The following TMEM131 variants were observed in gnomAD, a reference collection of about 807,000 sequenced individuals.
TMEM131 encodes transmembrane protein 131.
TMEM131 carries 66 observed loss-of-function variants against 211.6 expected under a neutral mutation model. The ratio of observed to expected loss-of-function variants is 0.31; its 90% CI spans 0.26 to 0.38. The LOEUF (loss-of-function observed/expected upper bound fraction) is 0.38. Among genes scored for constraint, TMEM131 ranks in the 10% least tolerant of loss-of-function variants. TMEM131 has a pLI of 1.00. For missense variants in TMEM131, 2,036 were observed against 2,299.3 expected (o/e 0.89, Z 2.34); for synonymous variants, 844 against 841.3 (o/e 1.00, Z -0.06).
intron 2 of TMEM131, among the ~76,000 whole-genome samples, chr2:97,920,620 G>A (rs1676700667): frequency 6.6e-6 from 1 of 152,054 alleles, no homozygotes; most frequent in Non-Finnish European, 1.5e-5. Flanking sequence ...TATATTAAAA[G>A]CAACCACATT....
chr2:97,826,099 C>T (rs756512259), intron 11 of TMEM131, among the ~76,000 whole-genome samples: 16 of 152,186 alleles, frequency 1.1e-4, no homozygotes, highest in African/African-American at 1.9e-4. Context: ...TCTTAGAAGT[C>T]CCCTTAGCTA....
intron 2 of TMEM131, among the ~76,000 whole-genome samples, chr2:97,924,583 A>G (rs1676900630): frequency 6.6e-6 from 1 of 152,174 alleles, no homozygotes; most frequent in South Asian, 2.1e-4. Context: ...CACCTGTACA[A>G]TGGGACCCTT....
At chr2:97,978,737 T>G (rs147512163) in intron 1 of TMEM131, among the ~76,000 whole-genome samples, 157 of 152,322 alleles carry the variant, frequency 1.0e-3, no homozygotes, top group African/African-American at 3.5e-3. Context: ...ACTGACATCT[T>G]GAACTCCTCA....
chr2:97,984,600 A>C (rs1679943940), intron 1 of TMEM131, among the ~76,000 whole-genome samples: 1 of 152,036 alleles, frequency 6.6e-6, no homozygotes, highest in Non-Finnish European at 1.5e-5. Context: ...GCTCATTTTA[A>C]TACCAGGTCT....
intron 15 of TMEM131, among the ~76,000 whole-genome samples, chr2:97,813,044 TA>T (rs1681630091): frequency 6.6e-6 from 1 of 152,090 alleles, no homozygotes; most frequent in Non-Finnish European, 1.5e-5. Flanking sequence ...TATATATGCA[TA>T]AAACCACACA....
intron 33 of TMEM131, among the ~76,000 whole-genome samples, chr2:97,768,226 A>G (rs1400628675): frequency 6.6e-6 from 1 of 152,194 alleles, no homozygotes; most frequent in African/African-American, 2.4e-5. Flanking sequence ...TGAAAAATCC[A>G]CTGTTTATGG....
At chr2:97,971,458 C>G (rs1468500227) in intron 1 of TMEM131, among the ~76,000 whole-genome samples, 1 of 152,176 alleles carries the variant, frequency 6.6e-6, no homozygotes. Flanking sequence ...ACATTTGTGG[C>G]TATCAATCAA....
chr2:97,834,981 C>G, intron 8 of TMEM131, 56 bp from the exon 9 acceptor site: 1 of 1,585,226 alleles, frequency 6.3e-7, no homozygotes, highest in Non-Finnish European at 8.6e-7. Flanking sequence ...GCAAAACCAC[C>G]ATTTTTTATT....
At chr2:97,860,517 C>T (rs1032250630) in intron 4 of TMEM131, among the ~76,000 whole-genome samples, 3 of 152,192 alleles carry the variant, frequency 2.0e-5, no homozygotes, top group East Asian at 1.9e-4. Context: ...CAGTTGAAAA[C>T]GCAGAGCCAG....
At chr2:97,943,305 T>G (rs1452691268) in intron 1 of TMEM131, among the ~76,000 whole-genome samples, 1 of 152,150 alleles carries the variant, frequency 6.6e-6, no homozygotes, top group African/African-American at 2.4e-5. Context: ...ACGTTCCAAA[T>G]TATTATATGA....
chr2:97,820,618 G>A (rs555939224), intron 11 of TMEM131, among the ~76,000 whole-genome samples: 83 of 152,124 alleles, frequency 5.5e-4, no homozygotes, highest in Non-Finnish European at 9.6e-4. Flanking sequence ...TAGCACGTTG[G>A]GAGGCCAAGG....
At chr2:97,892,303 T>C (rs1675410521) in intron 3 of TMEM131, among the ~76,000 whole-genome samples, 1 of 152,206 alleles carries the variant, frequency 6.6e-6, no homozygotes, top group Non-Finnish European at 1.5e-5. Context: ...TTCCTTTTAT[T>C]AATGGTGTCT....
At position 97,758,956 on chromosome 2, in the gene TMEM131, C is replaced by T. The variant is rs369661688; in HGVS notation, c.5304G>A (p.Ser1768=). The T allele has an allele frequency of 2.8e-5, 45 of 1,613,902 alleles. No homozygotes were observed. In the African/African-American group the frequency reaches 4.1e-4, roughly 15 times the overall value. The stretch of plus-strand genomic sequence containing the variant: ...AGGAAGGACTGGGATCTGTCGCTGG[C>T]GACTCCCAAAGGTATGAAGGGCCAC... ...FNSGPSYLWE[S]PATDPSPSWP... is the part of the protein sequence containing the mutation. The change falls in exon 40 of 41, where the codon TCG becomes TCA. Residue 1768 remains serine (S), a synonymous_variant. Transcript: ENST00000186436.
chr2:97,850,542 C>T (rs1215822424), intron 5 of TMEM131, among the ~76,000 whole-genome samples: 1 of 152,016 alleles, frequency 6.6e-6, no homozygotes, highest in East Asian at 1.9e-4. Context: ...CTGTAAGGTG[C>T]CCTTGACTGT....
At chr2:97,900,101 T>C (rs145932070) in intron 3 of TMEM131, among the ~76,000 whole-genome samples, 340 of 152,294 alleles carry the variant, frequency 2.2e-3, no homozygotes, top group Non-Finnish European at 3.8e-3. Flanking sequence ...CAAAGTCATC[T>C]GGTAACATGG....
At chr2:97,810,197 GAA>G (rs1681490155) in intron 18 of TMEM131, among the ~76,000 whole-genome samples, 1 of 151,656 alleles carries the variant, frequency 6.6e-6, no homozygotes, top group Non-Finnish European at 1.5e-5. Flanking sequence ...TTTTGATACA[GAA>G]ATAGACATCA....
chr2:97,958,787 T>A (rs1678684201), intron 1 of TMEM131, among the ~76,000 whole-genome samples: 1 of 152,210 alleles, frequency 6.6e-6, no homozygotes. Flanking sequence ...GTACTTGAAC[T>A]TGGGGAAAGG....
chr2:97,877,105 T>C (rs1674728702), intron 4 of TMEM131, among the ~76,000 whole-genome samples: 1 of 152,062 alleles, frequency 6.6e-6, no homozygotes, highest in African/African-American at 2.4e-5. Flanking sequence ...CCATTCACAA[T>C]TGCTACGAAG....
chr2:97,770,083 T>C (rs191267259), intron 33 of TMEM131, among the ~76,000 whole-genome samples: 24 of 152,208 alleles, frequency 1.6e-4, no homozygotes, highest in African/African-American at 5.8e-4. Context: ...ACATGTGGGG[T>C]TATATATTAA....
Sources: allele counts gnomAD v4.1 joint callset (sites outside exome capture counted in the v4.1 genomes callset), GRCh38; gene constraint gnomAD v4.1.1; transcripts MANE v1.5; gene names NCBI Gene and HGNC (gene_info 2026-07-23, HGNC 2026-07-21).